SFSWAP: variants seen among roughly 807,000 people sequenced by gnomAD.
SFSWAP encodes splicing factor, suppressor of white-apricot homolog.
In SFSWAP, 17 loss-of-function variants were observed where a neutral mutation model predicts 100.7. That is an observed-to-expected ratio of 0.17 (90% CI 0.12 to 0.25). The LOEUF is 0.25. Among genes scored for constraint, SFSWAP ranks in the 10% least tolerant of loss-of-function variants. The probability of loss-of-function intolerance (pLI) is 1.00; values close to 1 mark genes in which losing one functional copy is unlikely to be tolerated. For missense variants in SFSWAP, 1,005 were observed against 1,262.6 expected, an observed-to-expected ratio of 0.80 and a Z score of 3.09; for synonymous variants, 504 against 510.1, an observed-to-expected ratio of 0.99 and a Z score of 0.16.
intron 14 of SFSWAP, chr12:131,785,333 C>T (rs1884816668): frequency 2.8e-6 from 3 of 1,061,710 alleles, no homozygotes; most frequent in South Asian, 3.1e-5. Context: ...ACTCCTGGCC[C>T]TCCAGGATGC....
At position 131,738,885 on chromosome 12, in the gene SFSWAP, CTTTTTTT is replaced by C. The variant is rs71072785; in HGVS notation, c.1081+10475_1081+10481del. Among the ~76,000 whole-genome samples, 150 of 48,720 alleles carry C rather than the reference CTTTTTTT, an allele frequency of 3.1e-3. 6 individuals are homozygous for C. Among genetic ancestry groups the C allele is most frequent in the Non-Finnish European group, 3.7e-3 (89 of 24,298 alleles). 32.0% of individuals were successfully genotyped at this position (48,720 alleles called of 152,430 possible). On this transcript the variant is annotated intron_variant, in intron 7 of 17. Coordinates refer to ENST00000261674, the MANE Select transcript of SFSWAP (RefSeq NM_004592.4). ...TTCCAGTGCTGTAATGAACATTATT[CTTTTTTT>C]TTTTTTTTTTTTTTTTTGAGACAGG... is the stretch of plus-strand genomic sequence containing the variant.
intron 12 of SFSWAP, among the ~76,000 whole-genome samples, chr12:131,765,152 G>A (rs1005579409): frequency 6.6e-6 from 1 of 152,238 alleles, no homozygotes; most frequent in Non-Finnish European, 1.5e-5. Flanking sequence ...ATGGGCCGCA[G>A]TGTGGCCACC....
At position 131,711,090 on chromosome 12, in the gene SFSWAP, A is replaced by AT; in HGVS notation, c.-136dup. On this transcript the variant is annotated 5_prime_UTR_variant, in exon 1 of 18. Transcript: ENST00000261674. The surrounding 1 kb of genome is among the most constrained non-coding windows in gnomAD (Gnocchi z 4.9). Reference sequence around the variant, plus strand: ...TCCTGCCGGAAGCTGCCCCTCCACCATTTTGTGGCCCGCTATGGCGGCGGT... The same window carrying AT: ...TCCTGCCGGAAGCTGCCCCTCCACCATTTTTGTGGCCCGCTATGGCGGCGGT... The AT allele has an allele frequency of 1.5e-6, 1 of 683,660 alleles. No individual in the cohort carries two copies. Among genetic ancestry groups the AT allele is most frequent in the South Asian group, 2.0e-5 (1 of 51,092 alleles). 42.3% of individuals were successfully genotyped at this position (683,660 alleles called of 1,614,324 possible).
chr12:131,745,919 G>C (rs1332164573), intron 7 of SFSWAP, among the ~76,000 whole-genome samples: 1 of 152,218 alleles, frequency 6.6e-6, no homozygotes, highest in Non-Finnish European at 1.5e-5. Flanking sequence ...TTCAGAGTGG[G>C]CCGCTTCCTG....
chr12:131,731,739 G>T (rs61936373), intron 7 of SFSWAP, among the ~76,000 whole-genome samples: 1 of 152,090 alleles, frequency 6.6e-6, no homozygotes, highest in Non-Finnish European at 1.5e-5. Flanking sequence ...AAGTATTAAT[G>T]CAGTGGGATC....
At chr12:131,788,692 G>A (rs186175666) in intron 15 of SFSWAP, among the ~76,000 whole-genome samples, 14 of 151,684 alleles carry the variant, frequency 9.2e-5, no homozygotes, top group Non-Finnish European at 1.9e-4. Flanking sequence ...TGCCTGGCTG[G>A]CTGCTCTCAA....
chr12:131,772,581 G>C (rs1043218158), intron 13 of SFSWAP, among the ~76,000 whole-genome samples: 27 of 152,218 alleles, frequency 1.8e-4, no homozygotes, highest in African/African-American at 6.0e-4. Flanking sequence ...GGGAACCAGA[G>C]CAAAGGAACT....
chr12:131,792,034 G>C (rs1409609535), intron 15 of SFSWAP, among the ~76,000 whole-genome samples: 1 of 150,602 alleles, frequency 6.6e-6, no homozygotes, highest in East Asian at 1.9e-4. Context: ...ACTCGTGTGT[G>C]TTCACGGATC....
Position 131,725,370 on chromosome 12 carries a change from A to G in SFSWAP, c.607-35A>G, listed in dbSNP as rs1316552201. On this transcript the variant is annotated intron_variant, in intron 4 of 17. Coordinates refer to ENST00000261674, the MANE Select transcript of SFSWAP (RefSeq NM_004592.4). The surrounding 1 kb of genome is among the most constrained non-coding windows in gnomAD (Gnocchi z 4.3). ...TCACGTGGCCGGTGGACAAGAGGACAAATGGGTGACGTGAATATGTGTGTT... is the reference window on the plus strand; with the variant it reads ...TCACGTGGCCGGTGGACAAGAGGACGAATGGGTGACGTGAATATGTGTGTT... 1 of 1,553,932 alleles carries G rather than the reference A, an allele frequency of 6.4e-7. No individual in the cohort carries two copies. Among genetic ancestry groups the G allele is most frequent in the African/African-American group, 1.4e-5 (1 of 72,690 alleles).
intron 7 of SFSWAP, among the ~76,000 whole-genome samples, chr12:131,744,473 C>G (rs1370837808): frequency 6.6e-6 from 1 of 152,220 alleles, no homozygotes; most frequent in East Asian, 1.9e-4. Context: ...ACCTTTGCCT[C>G]AGTTCCCAAC....
rs1267899547 is a variant in SFSWAP at position 131,718,347 on chromosome 12, A to T, written c.521-1107A>T. On this transcript the variant is annotated intron_variant, in intron 3 of 17. Coordinates refer to ENST00000261674, the MANE Select transcript of SFSWAP (RefSeq NM_004592.4). ...TTTCTTTAATGTCATCTGTTTGGAAATAAGAACCTCAATAGATCATTGAAA... is the reference window on the plus strand; with the variant it reads ...TTTCTTTAATGTCATCTGTTTGGAATTAAGAACCTCAATAGATCATTGAAA... 2.0e-5 allele frequency among the ~76,000 whole-genome samples: 3 copies of T among 152,228 alleles called. No individual in the cohort carries two copies. The East Asian group carries it at 5.8e-4, about 29-fold the overall frequency.
At chr12:131,795,205 C>G (rs1354852812) in intron 15 of SFSWAP, among the ~76,000 whole-genome samples, 1 of 152,204 alleles carries the variant, frequency 6.6e-6, no homozygotes, top group Non-Finnish European at 1.5e-5. Flanking sequence ...CCCAGCTCAC[C>G]AGGGACAGCC....
intron 12 of SFSWAP, among the ~76,000 whole-genome samples, chr12:131,765,815 T>TCTC (rs3072497): frequency 0.82 from 124,722 of 151,938 alleles, 53,623 homozygotes; most frequent in East Asian, 0.96. Context: ...ATAAAACACT[T>TCTC]ATAGAGTATT....
At chr12:131,727,989 C>G (rs537240270) in intron 6 of SFSWAP, among the ~76,000 whole-genome samples, 2 of 152,196 alleles carry the variant, frequency 1.3e-5, no homozygotes, top group African/African-American at 4.8e-5. Context: ...TAAGGAAAGA[C>G]AGTTTCAAAT....
intron 16 of SFSWAP, among the ~76,000 whole-genome samples, chr12:131,798,754 G>T (rs930267257): frequency 2.0e-5 from 3 of 152,150 alleles, no homozygotes; most frequent in African/African-American, 2.4e-5. Flanking sequence ...GCCGGGCATG[G>T]TGGCACACGC....
At chr12:131,737,194 T>TC (rs1294392859) in intron 7 of SFSWAP, among the ~76,000 whole-genome samples, 1 of 152,150 alleles carries the variant, frequency 6.6e-6, no homozygotes, top group Non-Finnish European at 1.5e-5. Context: ...GAATGGCTCT[T>TC]CCTGAGGGTG....
intron 3 of SFSWAP, among the ~76,000 whole-genome samples, chr12:131,718,650 AT>A (rs1878158030): frequency 6.6e-6 from 1 of 152,240 alleles, no homozygotes; most frequent in African/African-American, 2.4e-5. Flanking sequence ...GTGGTTTACA[AT>A]TCAAAGATGA....
At chr12:131,772,250 C>G (rs1480130807) in intron 13 of SFSWAP, among the ~76,000 whole-genome samples, 2 of 152,176 alleles carry the variant, frequency 1.3e-5, no homozygotes, top group Non-Finnish European at 2.9e-5. Flanking sequence ...GTGCTGAATT[C>G]CCATTTGTAC....
intron 13 of SFSWAP, among the ~76,000 whole-genome samples, chr12:131,777,149 T>A (rs1300375453): frequency 6.6e-6 from 1 of 152,254 alleles, no homozygotes; most frequent in East Asian, 1.9e-4. Flanking sequence ...AGAACTATTT[T>A]TTTTTATTAT....
Sources: allele counts gnomAD v4.1 joint callset (sites outside exome capture counted in the v4.1 genomes callset), GRCh38; gene constraint gnomAD v4.1.1; non-coding constraint Gnocchi (gnomAD v3.1); transcripts MANE v1.5; gene names NCBI Gene and HGNC (gene_info 2026-07-23, HGNC 2026-07-21).